MYO16: variants seen among roughly 807,000 people sequenced by gnomAD.
MYO16 encodes the protein unconventional myosin-XVI.
In MYO16, 94 loss-of-function variants were observed where a neutral mutation model predicts 205.3. The ratio of observed to expected loss-of-function variants is 0.46; its 90% CI spans 0.39 to 0.54. The LOEUF (loss-of-function observed/expected upper bound fraction) is 0.54. Among genes scored for constraint, MYO16 ranks in the 20% least tolerant of loss-of-function variants. The probability of loss-of-function intolerance (pLI) is 0.00; values close to 1 mark genes in which losing one functional copy is unlikely to be tolerated. For synonymous variants in MYO16, 988 were observed against 954.0 expected (o/e 1.04, Z -0.66); for missense variants, 2,315 against 2,387.5 (o/e 0.97, Z 0.63).
intron 14 of MYO16, among the ~76,000 whole-genome samples, chr13:108,896,515 T>C (rs1305159742): frequency 6.6e-6 from 1 of 152,224 alleles, no homozygotes; most frequent in Non-Finnish European, 1.5e-5. Flanking sequence ...AAATTCAAAC[T>C]TCAAACACAG....
intron 14 of MYO16, among the ~76,000 whole-genome samples, chr13:108,890,077 A>G (rs1880090953): frequency 6.8e-6 from 1 of 147,300 alleles, no homozygotes; most frequent in South Asian, 2.2e-4. Context: ...GACCACAGGC[A>G]TGTGTCTCTG....
chr13:109,023,696 T>TATATATACAA (rs1491395714), intron 23 of MYO16, among the ~76,000 whole-genome samples: 5 of 117,962 alleles, frequency 4.2e-5, no homozygotes, highest in Non-Finnish European at 8.9e-5. Flanking sequence ...CATATATATG[T>TATATATACAA]ATATATGTAT....
intron 34 of MYO16, among the ~76,000 whole-genome samples, chr13:109,188,132 T>G (rs1214919596): frequency 6.6e-6 from 1 of 152,230 alleles, no homozygotes; most frequent in Non-Finnish European, 1.5e-5. Flanking sequence ...TAAGTCTACT[T>G]TGTCTGAAAT....
chr13:108,571,563 G>A, the MYO16 span, among the ~76,000 whole-genome samples: 1 of 152,064 alleles, frequency 6.6e-6, no homozygotes. Context: ...AACGAAATGA[G>A]AGTGCAGTCG....
At position 109,045,003 on chromosome 13, in the gene MYO16, T is replaced by C. The variant is rs368591035; in HGVS notation, c.2797-1913T>C. ...GCACTCGGCCCTAAGAACTTTCATG[T>C]ATATTACATCACAATATTAACAGTG... On this transcript the variant is annotated intron_variant, in intron 23 of 34. Coordinates refer to ENST00000457511, the MANE Select transcript of MYO16 (RefSeq NM_001198950.3). Among the ~76,000 whole-genome samples the C allele has an allele frequency of 5.3e-5, 8 of 152,316 alleles. No individual in the cohort carries two copies. The South Asian group carries it at 1.5e-3, about 28-fold the overall frequency.
intron 23 of MYO16, among the ~76,000 whole-genome samples, chr13:109,027,734 A>G (rs78935351): frequency 0.017 from 2,572 of 152,266 alleles, 76 homozygotes; most frequent in African/African-American, 0.059. Flanking sequence ...ATAAATGCAG[A>G]TACAATTATT....
chr13:109,125,226 C>T lies in MYO16; in HGVS notation c.3650C>T (p.Thr1217Ile), dbSNP rs780688733. The change falls in exon 30 of 35, where the codon ACC becomes ATC. Residue 1217 changes from threonine to isoleucine, a missense_variant. Thr to Ile is a moderately conservative substitution (Grantham distance 89, BLOSUM62 -1). Coordinates refer to ENST00000457511, the MANE Select transcript of MYO16 (RefSeq NM_001198950.3). The surrounding 1 kb of genome is among the most constrained non-coding windows in gnomAD (Gnocchi z 4.0). ...LQNTEDMGLK[T>I]YDALVIQNAS... ...AACACAGAGGACATGGGGCTGAAAA[C>T]CTACGATGCCCTGGTCATTCAGAAT... 2 of 1,614,098 alleles carry T rather than the reference C, an allele frequency of 1.2e-6. No individual in the cohort carries two copies. Among genetic ancestry groups the T allele is most frequent in the East Asian group, 2.2e-5 (1 of 44,880 alleles).
intron 7 of MYO16, among the ~76,000 whole-genome samples, chr13:108,816,831 A>T (rs1391430418): frequency 3.9e-5 from 6 of 152,218 alleles, no homozygotes; most frequent in Admixed American, 3.9e-4. Context: ...CAATACATAT[A>T]TCCGAAAAAT....
rs778619305 is a variant in MYO16, at chr13:109,055,376, A to G, written c.3130-14A>G. The G allele has an allele frequency of 1.3e-6, 2 of 1,593,564 alleles. No homozygotes were observed. The highest frequency in any genetic ancestry group is 1.3e-5 in the African/African-American group (1 of 74,582). ...TCCTTTGGAGAATCAGTTGGGTTCTACTTCTCTCCTTAGAAATCACTAATG... is the reference window on the plus strand; with the variant it reads ...TCCTTTGGAGAATCAGTTGGGTTCTGCTTCTCTCCTTAGAAATCACTAATG... On this transcript the variant is annotated splice_polypyrimidine_tract_variant and intron_variant, in intron 26 of 34. Coordinates refer to ENST00000457511, the MANE Select transcript of MYO16 (RefSeq NM_001198950.3). The surrounding 1 kb of genome is among the most constrained non-coding windows in gnomAD (Gnocchi z 5.0).
the MYO16 span, among the ~76,000 whole-genome samples, chr13:108,558,311 A>T: frequency 6.6e-6 from 1 of 152,130 alleles, no homozygotes; most frequent in Non-Finnish European, 1.5e-5. Context: ...TTGCCTTGGG[A>T]AATGTCTCCT....
At chr13:108,826,429 A>T (rs1450965163) in intron 9 of MYO16, among the ~76,000 whole-genome samples, 2 of 152,142 alleles carry the variant, frequency 1.3e-5, no homozygotes, top group Admixed American at 6.6e-5. Flanking sequence ...CTCAAAATGG[A>T]TCATTGACCT....
chr13:108,758,225 G>A (rs967740744), intron 4 of MYO16, among the ~76,000 whole-genome samples: 1 of 152,154 alleles, frequency 6.6e-6, no homozygotes, highest in African/African-American at 2.4e-5. Flanking sequence ...CCCAGTCTAA[G>A]GTATTTTGCT....
chr13:108,747,550 A>T (rs187696470), intron 4 of MYO16, among the ~76,000 whole-genome samples: 4 of 152,064 alleles, frequency 2.6e-5, no homozygotes, highest in Non-Finnish European at 5.9e-5. Context: ...TCGTGCTAAG[A>T]CAGGATATAA....
intron 28 of MYO16, among the ~76,000 whole-genome samples, chr13:109,115,080 T>TACTGCCAG (rs2139746998): frequency 6.6e-6 from 1 of 151,998 alleles, no homozygotes; most frequent in African/African-American, 2.4e-5. Flanking sequence ...ATTTCAAAAG[T>TACTGCCAG]ACTGCCAGAA....
At chr13:108,762,254 C>T (rs1211898993) in intron 4 of MYO16, among the ~76,000 whole-genome samples, 2 of 150,362 alleles carry the variant, frequency 1.3e-5, no homozygotes, top group Admixed American at 6.7e-5. Context: ...GGGGTGGACA[C>T]TCAGGTTGAT....
At position 109,055,556 on chromosome 13, in the gene MYO16, G is replaced by A. The variant is rs1217816112; in HGVS notation, c.3296G>A (p.Gly1099Glu). The change falls in exon 27 of 35, where the codon GGA (glycine) becomes GAA (glutamate). Residue 1099 changes from glycine (G) to glutamate (E), a missense_variant. Coordinates refer to ENST00000457511, the MANE Select transcript of MYO16 (RefSeq NM_001198950.3). The surrounding 1 kb of genome is among the most constrained non-coding windows in gnomAD (Gnocchi z 5.0). ...VLEMVKIFRY[G>E]YPVRLSFSDF... ...GAGATGGTGAAGATCTTCCGATATG[G>A]ATACCCTGTTCGCCTTTCCTTCTCG... 6.2e-7 allele frequency: 1 copy of A among 1,612,560 alleles called. No homozygotes were observed. Among genetic ancestry groups the A allele is most frequent in the Non-Finnish European group, 8.5e-7 (1 of 1,179,332 alleles).
At chr13:108,554,430 T>G in the MYO16 span, among the ~76,000 whole-genome samples, 1 of 152,182 alleles carries the variant, frequency 6.6e-6, no homozygotes, top group Non-Finnish European at 1.5e-5. Flanking sequence ...GCTTAAACCC[T>G]TAGCTTTGCC....
the MYO16 span, among the ~76,000 whole-genome samples, chr13:108,590,150 G>A: frequency 2.0e-5 from 3 of 152,124 alleles, no homozygotes; most frequent in African/African-American, 7.2e-5. Context: ...TTTCTAAACA[G>A]CATATTTCCA....
chr13:108,795,274 C>A (rs916738929), intron 6 of MYO16, among the ~76,000 whole-genome samples: 26 of 151,932 alleles, frequency 1.7e-4, no homozygotes, highest in African/African-American at 6.3e-4. Context: ...TCACTGCAAC[C>A]TCCACCTCCC....
Sources: allele counts gnomAD v4.1 joint callset (sites outside exome capture counted in the v4.1 genomes callset), GRCh38; gene constraint gnomAD v4.1.1; non-coding constraint Gnocchi (gnomAD v3.1); transcripts MANE v1.5; gene names NCBI Gene and HGNC (gene_info 2026-07-23, HGNC 2026-07-21).